CSMD2: variants seen among roughly 807,000 people sequenced by gnomAD.
CSMD2 encodes the protein CUB and sushi domain-containing protein 2.
CSMD2 carries 130 observed loss-of-function variants against 398.5 expected under a neutral mutation model. That is an observed-to-expected ratio of 0.33 (90% CI 0.28 to 0.38). The LOEUF is 0.38. Among genes scored for constraint, CSMD2 ranks in the 10% least tolerant of loss-of-function variants. The probability of loss-of-function intolerance (pLI) is 1.00; values close to 1 mark genes in which losing one functional copy is unlikely to be tolerated. For missense variants in CSMD2, 3,829 were observed against 4,764.9 expected (o/e 0.80, Z 5.78); for synonymous variants, 1,828 against 1,908.5 (o/e 0.96, Z 1.10).
intron 2 of CSMD2, among the ~76,000 whole-genome samples, chr1:34,083,323 A>C (rs1324699703): frequency 6.6e-6 from 1 of 151,900 alleles, no homozygotes; most frequent in African/African-American, 2.4e-5. Flanking sequence ...GCTCTTTGTC[A>C]CTCTCTGTTC....
rs762031991 is a variant in CSMD2 at position 33,633,594 on chromosome 1, C to G, written c.5087-59G>C. The G allele has an allele frequency of 5.5e-6, 7 of 1,271,562 alleles. No homozygotes were observed. Among genetic ancestry groups the G allele is most frequent in the East Asian group, 2.5e-5 (1 of 39,552 alleles). The allele number at this position is 1,271,562 out of a possible 1,614,324, so 78.8% of individuals were successfully genotyped here. On this transcript the variant is annotated intron_variant, in intron 31 of 70. Transcript: ENST00000373381. This position sits in a 1 kb window ranked among gnomAD's most constrained non-coding sequence, Gnocchi z 5.0. ...GCACGCTGGGGGCAGGAGAGGGGAT[C>G]TAGGGGTCTAGGGGCCCAAGCCAGG...
rs543894556 is a variant in CSMD2, at chr1:33,583,790, G to A, written c.7092C>T (p.Gly2364=). 6.4e-5 allele frequency: 103 copies of A among 1,614,192 alleles called. No individual in the cohort carries two copies. The highest frequency in any genetic ancestry group is 2.3e-4 in the South Asian group (21 of 91,082). ...PTNELLTDST[G]VILSQSYPGS... is the part of the protein sequence containing the mutation. ...CAGGGTAGCTCTGGCTCAGGATCAC[G>A]CCTGTGGAGTCTGTCAGAAGCTCAT... The change falls in exon 47 of 71, where the codon GGC becomes GGT. Residue 2364 remains glycine, a synonymous_variant. Coordinates refer to ENST00000373381, the MANE Select transcript of CSMD2 (RefSeq NM_001281956.2).
At chr1:34,045,580 G>A (rs936148971) in intron 2 of CSMD2, among the ~76,000 whole-genome samples, 49 of 152,100 alleles carry the variant, frequency 3.2e-4, no homozygotes, top group Admixed American at 1.7e-3. Context: ...TTGGAGGCTG[G>A]GATACCTGTC....
intron 19 of CSMD2, among the ~76,000 whole-genome samples, chr1:33,721,196 G>T (rs146562836): frequency 2.4e-4 from 37 of 152,280 alleles, no homozygotes; most frequent in Non-Finnish European, 5.3e-4. Context: ...TAAGCCCTGG[G>T]CTGGGCTTGG....
Position 33,878,238 on chromosome 1 carries a change from A to G in CSMD2, c.921-31242T>C, listed in dbSNP as rs372715620. The G allele has an allele frequency of 7.2e-5, 11 of 152,366 alleles. No individual in the cohort carries two copies. In the East Asian group the frequency reaches 1.3e-3, roughly 19 times the overall value. The allele number at this position is 152,366 out of a possible 1,614,324, so 9.4% of individuals were successfully genotyped here. The stretch of plus-strand genomic sequence containing the variant: ...ATCCTGCTTTGTTTCTTTTGGACAC[A>G]ACATGCTTTCCTTCAGCTTCAGTAG... On this transcript the variant is annotated intron_variant, in intron 5 of 70. Transcript: ENST00000373381.
intron 41 of CSMD2, among the ~76,000 whole-genome samples, chr1:33,609,316 C>T (rs1640842710): frequency 6.6e-6 from 1 of 152,230 alleles, no homozygotes; most frequent in African/African-American, 2.4e-5. Context: ...AAGCCCAGTA[C>T]CCCCTCAGTA....
intron 13 of CSMD2, among the ~76,000 whole-genome samples, chr1:33,750,298 T>C (rs2149271600): frequency 6.6e-6 from 1 of 152,234 alleles, no homozygotes; most frequent in South Asian, 2.1e-4. Flanking sequence ...TTGAGACAGA[T>C]AAGGAATAAT....
At chr1:34,136,785 C>A (rs12046143) in intron 1 of CSMD2, among the ~76,000 whole-genome samples, 1 of 152,002 alleles carries the variant, frequency 6.6e-6, no homozygotes, top group Non-Finnish European at 1.5e-5. Flanking sequence ...AACCATGGGT[C>A]TTTCCTCTTG....
At chr1:34,045,984 G>A (rs1652479820) in intron 2 of CSMD2, among the ~76,000 whole-genome samples, 1 of 152,274 alleles carries the variant, frequency 6.6e-6, no homozygotes, top group Admixed American at 6.5e-5. Context: ...GGGCATTGCA[G>A]TGAGTTTACA....
intron 1 of CSMD2, among the ~76,000 whole-genome samples, chr1:34,097,947 T>G (rs1442768000): frequency 5.7e-4 from 76 of 133,890 alleles, no homozygotes; most frequent in Non-Finnish European, 9.4e-4. Context: ...CATGCTGCTA[T>G]AAAGACGCAT....
At position 33,613,169 on chromosome 1, in the gene CSMD2, C is replaced by T. The variant is rs190507617; in HGVS notation, c.6133+1335G>A. ...AACATTAACTTGAAAGCAAGGGATCCCGGGCCTTTGCAACTGGACCCAGCA... is the reference window on the plus strand; with the variant it reads ...AACATTAACTTGAAAGCAAGGGATCTCGGGCCTTTGCAACTGGACCCAGCA... On this transcript the variant is annotated intron_variant, in intron 40 of 70. Transcript: ENST00000373381. Among the ~76,000 whole-genome samples, 113 of 152,290 alleles carry T rather than the reference C, an allele frequency of 7.4e-4. 3 individuals are homozygous for T. The highest frequency in any genetic ancestry group is 2.6e-3 in the African/African-American group (110 of 41,564).
chr1:33,944,100 AAT>A (rs1216854915), intron 3 of CSMD2, among the ~76,000 whole-genome samples: 1 of 152,152 alleles, frequency 6.6e-6, no homozygotes, highest in African/African-American at 2.4e-5. Context: ...AGCCACAGGC[AAT>A]ATGTGTTCTA....
In CSMD2 at chr1:33,845,223, G is replaced by C. The variant is rs117411895; in HGVS notation, c.1033+1661C>G. ...ATACAGAATGAATTAGAGCTTTACA[G>C]CTCACAGGCTGTGTGATCTTGGGCT... On this transcript the variant is annotated intron_variant, in intron 6 of 70. Coordinates refer to ENST00000373381, the MANE Select transcript of CSMD2 (RefSeq NM_001281956.2). 2.8e-3 allele frequency among the ~76,000 whole-genome samples: 427 copies of C among 152,342 alleles called. 10 individuals carry two copies. The East Asian group carries it at 0.033, about 12-fold the overall frequency.
At chr1:33,622,138 CT>C (rs1294109015) in intron 37 of CSMD2, 28 bp downstream of exon 37, 2 of 1,556,338 alleles carry the variant, frequency 1.3e-6, no homozygotes, top group Non-Finnish European at 1.8e-6. Flanking sequence ...ACCCTGAACC[CT>C]GTACCAGCCA....
intron 13 of CSMD2, among the ~76,000 whole-genome samples, chr1:33,753,822 G>A (rs1440322971): frequency 6.6e-6 from 1 of 152,268 alleles, no homozygotes. Context: ...GGATCTTTAA[G>A]ATTTAATCTC....
At chr1:33,584,490 T>C (rs1638940775) in intron 46 of CSMD2, among the ~76,000 whole-genome samples, 3 of 152,078 alleles carry the variant, frequency 2.0e-5, no homozygotes, top group Admixed American at 2.0e-4. Flanking sequence ...GCCAACATGG[T>C]GAAGCCCCAT....
At chr1:33,795,703 T>C (rs572539866) in intron 10 of CSMD2, among the ~76,000 whole-genome samples, 3 of 152,356 alleles carry the variant, frequency 2.0e-5, no homozygotes, top group African/African-American at 7.2e-5. Context: ...AGCACTTACC[T>C]GCTGGACTGT....
At chr1:33,605,218 T>C (rs1286313137) in intron 42 of CSMD2, 64 bp downstream of exon 42, 2 of 1,452,696 alleles carry the variant, frequency 1.4e-6, no homozygotes, top group East Asian at 2.3e-5. Context: ...GAACATGGGA[T>C]TGCTCTGGAC....
chr1:33,528,595 C>T (rs1345572157), intron 64 of CSMD2, among the ~76,000 whole-genome samples: 2 of 152,250 alleles, frequency 1.3e-5, no homozygotes, highest in South Asian at 4.1e-4. Flanking sequence ...ATCTTATGTG[C>T]GAGGTGCTGT....
Sources: gnomAD v4.1 joint callset for allele counts (sites outside exome capture counted in the v4.1 genomes callset) on GRCh38, gnomAD v4.1.1 for gene constraint, Gnocchi (gnomAD v3.1) non-coding constraint, MANE v1.5 for transcripts, NCBI Gene and HGNC (gene_info 2026-07-23, HGNC 2026-07-21) for gene names.